The following TMEM132E variants were observed in gnomAD, a reference collection of about 807,000 sequenced individuals.
The protein encoded by TMEM132E is transmembrane protein 132E.
In TMEM132E, 49 loss-of-function variants were observed where a neutral mutation model predicts 78.5. The ratio of observed to expected loss-of-function variants is 0.62; its 90% CI spans 0.50 to 0.79. The LOEUF (loss-of-function observed/expected upper bound fraction) is 0.79, where lower values mean the gene tolerates loss of function less well. Among genes scored for constraint, TMEM132E ranks in the 30% least tolerant of loss-of-function variants. The probability of loss-of-function intolerance (pLI) is 0.00; values close to 1 mark genes in which losing one functional copy is unlikely to be tolerated. For synonymous variants in TMEM132E, 715 were observed against 670.6 expected (o/e 1.07, Z -1.02); for missense variants, 1,403 against 1,470.9 (o/e 0.95, Z 0.75).
At chr17:34,598,458 T>G (rs1266519918) in intron 1 of TMEM132E, among the ~76,000 whole-genome samples, 1 of 152,150 alleles carries the variant, frequency 6.6e-6, no homozygotes, top group Non-Finnish European at 1.5e-5. Context: ...TGGCTCTTGC[T>G]GGGTACCCAG....
chr17:34,628,756 T>C (rs1411228430), intron 3 of TMEM132E, 47 bp downstream of exon 3: 1 of 1,523,590 alleles, frequency 6.6e-7, no homozygotes, highest in Non-Finnish European at 8.8e-7. Context: ...AAAGCAGCCA[T>C]CTGAGAGGAG....
At chr17:34,617,596 C>T (rs1360407512) in intron 1 of TMEM132E, among the ~76,000 whole-genome samples, 1 of 152,220 alleles carries the variant, frequency 6.6e-6, no homozygotes, top group African/African-American at 2.4e-5. Flanking sequence ...TATTTAATCA[C>T]AACTCTGTGA....
At chr17:34,603,525 G>T (rs895888505) in intron 1 of TMEM132E, among the ~76,000 whole-genome samples, 1 of 152,210 alleles carries the variant, frequency 6.6e-6, no homozygotes, top group African/African-American at 2.4e-5. Context: ...ACTGCAGGAA[G>T]AGGGGCTGTG....
chr17:34,589,308 G>A (rs9895885), intron 1 of TMEM132E, among the ~76,000 whole-genome samples: 71,879 of 151,884 alleles, frequency 0.47, 17,299 homozygotes, highest in Admixed American at 0.52. Context: ...GCACCTGGAC[G>A]GACCAGGAGG....
At chr17:34,587,370 G>A (rs1435787589) in intron 1 of TMEM132E, among the ~76,000 whole-genome samples, 1 of 152,150 alleles carries the variant, frequency 6.6e-6, no homozygotes, top group Non-Finnish European at 1.5e-5. Flanking sequence ...TGTGGCAGTG[G>A]GGGGGAATGG....
chr17:34,634,722 G>A lies in TMEM132E; in HGVS notation c.1689-77G>A, dbSNP rs1907454831. ...CTGGGAAGCTGGGAGGACCCAACAG[G>A]GCAAGGGTGCGGGGTGTGTACTGTG... On this transcript the variant is annotated intron_variant, in intron 6 of 8. Transcript: ENST00000631683. 19 of 1,481,672 alleles carry A rather than the reference G, an allele frequency of 1.3e-5. No individual in the cohort carries two copies. In the South Asian group the frequency reaches 2.4e-4, roughly 19 times the overall value. 91.8% of individuals were successfully genotyped at this position (1,481,672 alleles called of 1,614,324 possible).
intron 1 of TMEM132E, among the ~76,000 whole-genome samples, chr17:34,606,402 C>G (rs989401677): frequency 1.3e-5 from 2 of 152,174 alleles, no homozygotes; most frequent in African/African-American, 4.8e-5. Context: ...GTCTACTACA[C>G]AGGAAGAGAG....
At chr17:34,586,393 C>T (rs1905679784) in intron 1 of TMEM132E, among the ~76,000 whole-genome samples, 1 of 152,106 alleles carries the variant, frequency 6.6e-6, no homozygotes, top group Non-Finnish European at 1.5e-5. Context: ...ATTCAGCTGG[C>T]TCTGCCATAC....
chr17:34,635,214 CTGAAATT>C, intron 7 of TMEM132E, 127 bp downstream of exon 7: 1 of 1,130,150 alleles, frequency 8.8e-7, no homozygotes, highest in East Asian at 2.6e-5. Context: ...TGCCCCTTGT[CTGAAATT>C]CCAAGGTCAG....
intron 1 of TMEM132E, among the ~76,000 whole-genome samples, chr17:34,615,425 TAGGCAG>T (rs1244684763): frequency 6.6e-6 from 1 of 152,044 alleles, no homozygotes; most frequent in East Asian, 1.9e-4. Context: ...GGTCTGGTTT[TAGGCAG>T]AGGGAGCAAA....
chr17:34,613,708 C>T (rs1408491520), intron 1 of TMEM132E, among the ~76,000 whole-genome samples: 2 of 151,936 alleles, frequency 1.3e-5, no homozygotes, highest in African/African-American at 2.4e-5. Context: ...TGCCTTATTG[C>T]GGGGGTCTCT....
intron 1 of TMEM132E, among the ~76,000 whole-genome samples, chr17:34,584,274 A>C (rs1279835672): frequency 6.6e-6 from 1 of 152,110 alleles, no homozygotes; most frequent in South Asian, 2.1e-4. Flanking sequence ...TTTTGCACCC[A>C]CCAGCCCCTC....
chr17:34,618,350 G>C (rs149717701), intron 1 of TMEM132E, among the ~76,000 whole-genome samples: 6 of 151,412 alleles, frequency 4.0e-5, no homozygotes, highest in Non-Finnish European at 8.8e-5. Context: ...TGATCCTCCT[G>C]TCTCAGCCTC....
At chr17:34,613,815 C>T (rs1244342548) in intron 1 of TMEM132E, among the ~76,000 whole-genome samples, 2 of 152,060 alleles carry the variant, frequency 1.3e-5, no homozygotes, top group Admixed American at 1.3e-4. Context: ...TCCTCTCTGG[C>T]GTGACTGTAG....
chr17:34,626,214 C>A lies in TMEM132E; in HGVS notation c.155C>A (p.Thr52Lys). ...CCAGTCAGCTACCGCCTGTCGCACA[C>A]GCGGCTGGCCTTCTTCCTGCGGGAG... The part of the protein sequence containing the change: ...VLPVSYRLSH[T>K]RLAFFLREAR... Residue 52 changes from threonine to lysine, a missense_variant, in exon 2 of 9, where the codon ACG becomes AAG. Thr to Lys is a moderately conservative substitution (Grantham distance 78). Coordinates refer to ENST00000631683, the MANE Select transcript of TMEM132E (RefSeq NM_001304438.2). The A allele has an allele frequency of 6.3e-7, 1 of 1,579,172 alleles. No individual in the cohort carries two copies. Among genetic ancestry groups the A allele is most frequent in the Non-Finnish European group, 8.6e-7 (1 of 1,163,052 alleles).
rs748616152 is a variant in TMEM132E, at chr17:34,628,726, G to T, written c.1145+17G>T. The T allele has an allele frequency of 6.4e-7, 1 of 1,570,918 alleles. No homozygotes were observed. On this transcript the variant is annotated intron_variant, in intron 3 of 8. Coordinates refer to ENST00000631683, the MANE Select transcript of TMEM132E (RefSeq NM_001304438.2). ...GCCCCCCAGGTGAGCCCGAGGTGGT[G>T]CATCTACCCACCTCTTCGCAAAGCA...
intron 1 of TMEM132E, among the ~76,000 whole-genome samples, chr17:34,591,995 A>ACT (rs1905885733): frequency 1.3e-5 from 2 of 152,180 alleles, no homozygotes; most frequent in Non-Finnish European, 2.9e-5. Context: ...GGCTCGGTAA[A>ACT]CTGGTGTCTT....
At chr17:34,613,946 C>A (rs1464816608) in intron 1 of TMEM132E, among the ~76,000 whole-genome samples, 1 of 152,206 alleles carries the variant, frequency 6.6e-6, no homozygotes, top group Non-Finnish European at 1.5e-5. Context: ...ACTAGGCTGG[C>A]AAAGGTAGGC....
intron 1 of TMEM132E, among the ~76,000 whole-genome samples, chr17:34,593,012 T>C (rs1462566532): frequency 6.6e-6 from 1 of 152,224 alleles, no homozygotes; most frequent in Non-Finnish European, 1.5e-5. Flanking sequence ...GTATCTCACT[T>C]AATCTTGTCT....
Sources: gnomAD v4.1 joint callset for allele counts (sites outside exome capture counted in the v4.1 genomes callset) on GRCh38, gnomAD v4.1.1 for gene constraint, MANE v1.5 for transcripts, NCBI Gene and HGNC (gene_info 2026-07-23, HGNC 2026-07-21) for gene names.